The following BTD variants were observed in gnomAD, a reference collection of about 807,000 sequenced individuals.
The protein encoded by BTD is biotinidase, also known as biocytinase.
BTD carries 13 observed loss-of-function variants against 17.7 expected under a neutral mutation model. The observed-to-expected ratio is 0.74, with a 90% CI of 0.48 to 1.17. BTD has a LOEUF of 1.17. Ranked by LOEUF, BTD falls within the 50% of genes most tolerant of loss-of-function variation. The probability of loss-of-function intolerance (pLI) is 0.00; values close to 1 mark genes in which losing one functional copy is unlikely to be tolerated. For synonymous variants in BTD, 240 were observed against 245.2 expected, an observed-to-expected ratio of 0.98 and a Z score of 0.20; for missense variants, 674 against 650.4, an observed-to-expected ratio of 1.04 and a Z score of -0.39.
intron 2 of BTD, among the ~76,000 whole-genome samples, chr3:15,638,431 C>A (rs1466433799): frequency 6.6e-6 from 1 of 152,172 alleles, no homozygotes; most frequent in Non-Finnish European, 1.5e-5. Context: ...GCAGACTCAC[C>A]AAGCCACAGA....
In BTD at chr3:15,631,334, TTTTA is replaced by T. The variant is rs1029593991; in HGVS notation, c.-16-4084_-16-4081del. 6 of 844,064 alleles carry T rather than the reference TTTTA, an allele frequency of 7.1e-6. 1 individual carries two copies. In the South Asian group the frequency reaches 8.0e-5, roughly 11 times the overall value. The allele number at this position is 844,064 out of a possible 1,614,324, so 52.3% of individuals were successfully genotyped here. A position where few individuals can be genotyped will look rare whatever the true frequency, so the allele number is the denominator to read the frequency against. The stretch of plus-strand genomic sequence containing the variant: ...GACAAGATATTTTATTAAAAAGATG[TTTTA>T]TTTATCTTTTAAAGATTTTTTAATG... On this transcript the variant is annotated intron_variant, in intron 1 of 3. Coordinates refer to ENST00000643237, the MANE Select transcript of BTD (RefSeq NM_001370658.1).
chr3:15,625,406 C>T (rs1361048679), intron 1 of BTD, among the ~76,000 whole-genome samples: 1 of 152,196 alleles, frequency 6.6e-6, no homozygotes, highest in Non-Finnish European at 1.5e-5. Context: ...CCCTCTTCCT[C>T]TGGCAGAAGC....
intron 2 of BTD, among the ~76,000 whole-genome samples, chr3:15,636,507 G>A (rs190804247): frequency 2.0e-5 from 3 of 152,296 alleles, no homozygotes; most frequent in Non-Finnish European, 2.9e-5. Flanking sequence ...ACACAAACCC[G>A]AAGGGAAGTT....
Position 15,651,178 on chromosome 3 carries a change from T to G in BTD, c.*5690T>G, listed in dbSNP as rs529489182. Among the ~76,000 whole-genome samples the G allele has an allele frequency of 7.8e-4, 119 of 152,324 alleles. 1 individual carries two copies. Among genetic ancestry groups the G allele is most frequent in the African/African-American group, 2.8e-3 (118 of 41,566 alleles). The stretch of plus-strand genomic sequence containing the variant: ...TTCATGGATTGAGGGGTGGGGACTG[T>G]TTCCCAGGGGAACACTGGGACAGCG... On this transcript the variant is annotated 3_prime_UTR_variant, in exon 4 of 4. Coordinates refer to ENST00000643237, the MANE Select transcript of BTD (RefSeq NM_001370658.1).
chr3:15,608,501 C>A (rs893037962), intron 1 of BTD, among the ~76,000 whole-genome samples: 1 of 152,148 alleles, frequency 6.6e-6, no homozygotes, highest in African/African-American at 2.4e-5. Flanking sequence ...AGTGCGGTGG[C>A]TCACACCTGT....
At chr3:15,670,857 C>T (rs1413589870) in intron 3 of BTD, among the ~76,000 whole-genome samples, 1 of 152,056 alleles carries the variant, frequency 6.6e-6, no homozygotes, top group African/African-American at 2.4e-5. Context: ...AAAAACTGGG[C>T]TAGAATAAGA....
rs2065779620 is a variant in BTD, at chr3:15,650,276, T to C, written c.*4788T>C. ...TTTGGAAAGTTTTTTTATTTTTGTG[T>C]TCAGTACTGAAGTAAAACAAAAATC... On this transcript the variant is annotated 3_prime_UTR_variant, in exon 4 of 4. Transcript: ENST00000643237. Among the ~76,000 whole-genome samples, 1 of 152,218 alleles carries C rather than the reference T, an allele frequency of 6.6e-6. No individual in the cohort carries two copies. Among genetic ancestry groups the C allele is most frequent in the Non-Finnish European group, 1.5e-5 (1 of 68,034 alleles).
At chr3:15,685,150 A>G in intron 3 of BTD, 1 of 1,518,260 alleles carries the variant, frequency 6.6e-7, no homozygotes, top group Non-Finnish European at 9.1e-7. Context: ...TAAACTTAAA[A>G]TTTGCCTTAT....
At position 15,687,501 on chromosome 3, in the gene BTD, A is replaced by G. The variant is rs1384434220; in HGVS notation, c.400-22559A>G. On this transcript the variant is annotated intron_variant, in intron 3 of 3. Transcript: ENST00000672141. ...AAATTCAGGTCCTGTTAATATATACAAAGTCTGAAGTTTAAAGAAATACAT... is the reference window on the plus strand; with the variant it reads ...AAATTCAGGTCCTGTTAATATATACGAAGTCTGAAGTTTAAAGAAATACAT... Among the ~76,000 whole-genome samples, 24 of 152,312 alleles carry G rather than the reference A, an allele frequency of 1.6e-4. No individual in the cohort carries two copies. The East Asian group carries it at 4.2e-3, about 27-fold the overall frequency.
At chr3:15,713,605 G>A, downstream of BTD, 8 of 1,609,664 alleles carry the variant, frequency 5.0e-6, no homozygotes, top group East Asian at 4.5e-5. Context: ...GTGCAAAGGG[G>A]TATTTCCATT....
chr3:15,614,982 T>G (rs192030901), intron 1 of BTD, among the ~76,000 whole-genome samples: 1 of 152,360 alleles, frequency 6.6e-6, no homozygotes, highest in African/African-American at 2.4e-5. Context: ...AAATTTTCAC[T>G]AGTAATCCTT....
chr3:15,622,339 C>T (rs956947099), intron 1 of BTD, among the ~76,000 whole-genome samples: 4 of 152,026 alleles, frequency 2.6e-5, no homozygotes, highest in Non-Finnish European at 4.4e-5. Flanking sequence ...AGTTTTATTT[C>T]CAAGTATTTT....
chr3:15,678,344 G>A (rs769141016), intron 3 of BTD: 1 of 1,603,582 alleles, frequency 6.2e-7, no homozygotes, highest in Non-Finnish European at 8.5e-7. Context: ...GCGGCTGCAT[G>A]GAGAGGAGTT....
At position 15,718,040 on chromosome 3, in the gene BTD, T is replaced by C. The variant is rs562119815; in HGVS notation, c.1016-3730T>C. ...TCAAATTTTTATAATAAAGGGCAAG[T>C]GTAAAGTGTCCCCATAGTCAATCAA... On this transcript the variant is annotated intron_variant, in intron 4 of 4. Transcript: ENST00000672427. Among the ~76,000 whole-genome samples, 60 of 152,256 alleles carry C rather than the reference T, an allele frequency of 3.9e-4. 1 individual carries two copies. The South Asian group carries it at 0.012, about 31-fold the overall frequency.
At position 15,623,253 on chromosome 3, in the gene BTD, A is replaced by G. The variant is rs1338859442; in HGVS notation, c.-16-12171A>G. Among the ~76,000 whole-genome samples the G allele has an allele frequency of 5.3e-5, 8 of 152,278 alleles. No individual in the cohort carries two copies. The South Asian group carries it at 1.2e-3, about 24-fold the overall frequency. ...CCAAACCATATCAGTTACTATTAGGATGGTATGTCCATCCATTTACTACAC... is the reference window on the plus strand; with the variant it reads ...CCAAACCATATCAGTTACTATTAGGGTGGTATGTCCATCCATTTACTACAC... On this transcript the variant is annotated intron_variant, in intron 1 of 3. Coordinates refer to ENST00000643237, the MANE Select transcript of BTD (RefSeq NM_001370658.1).
At chr3:15,639,249 C>T (rs77638575) in intron 2 of BTD, among the ~76,000 whole-genome samples, 1,594 of 150,454 alleles carry the variant, frequency 0.011, 29 homozygotes, top group African/African-American at 0.037. Flanking sequence ...TGATAATAAT[C>T]TAGTATGTAT....
intron 1 of BTD, among the ~76,000 whole-genome samples, chr3:15,629,116 G>A: frequency 6.6e-6 from 1 of 152,090 alleles, no homozygotes; most frequent in East Asian, 1.9e-4. Flanking sequence ...TTTGAAATCT[G>A]CCCAGATTCC....
chr3:15,631,517 G>C (rs1474866165), intron 1 of BTD: 4 of 1,510,374 alleles, frequency 2.6e-6, no homozygotes, highest in Non-Finnish European at 3.6e-6. Flanking sequence ...TCCCTTGTGT[G>C]TAAAAATATC....
exon 4 of BTD, among the ~76,000 whole-genome samples, chr3:15,710,980 A>ATTTCCT (rs2072194336): frequency 1.3e-5 from 2 of 152,114 alleles, no homozygotes; most frequent in African/African-American, 4.8e-5. Context: ...AGAAGGCAGT[A>ATTTCCT]TTTCCTTTTG....
Sources: allele counts gnomAD v4.1 joint callset (sites outside exome capture counted in the v4.1 genomes callset), GRCh38; gene constraint gnomAD v4.1.1; transcripts MANE v1.5; gene names NCBI Gene and HGNC (gene_info 2026-07-23, HGNC 2026-07-21).